Variants in KLHL24 observed in about 807,000 individuals in gnomAD.
The protein encoded by KLHL24 is kelch like family member 24, also known as kelch-like protein 24.
KLHL24 carries 29 observed loss-of-function variants against 53.4 expected under a neutral mutation model. The observed-to-expected ratio is 0.54, with a 90% CI of 0.40 to 0.74. KLHL24 has a LOEUF of 0.74. Ranked by LOEUF, KLHL24 falls within the 30% of genes least tolerant of loss-of-function variation. The pLI is 0.00. For synonymous variants in KLHL24, 222 were observed against 253.7 expected (o/e 0.88, Z 1.19); for missense variants, 504 against 744.0 (o/e 0.68, Z 3.75).
rs2108913737 is a variant in KLHL24 at position 183,681,735 on chromosome 3, T to C, written c.*2449T>C. 6.6e-6 allele frequency: 1 copy of C among 152,538 alleles called. No homozygotes were observed. Among genetic ancestry groups the C allele is most frequent in the East Asian group, 1.9e-4 (1 of 5,192 alleles). 9.4% of individuals were successfully genotyped at this position (152,538 alleles called of 1,614,324 possible). On this transcript the variant is annotated 3_prime_UTR_variant, in exon 8 of 8. Transcript: ENST00000242810. Reference sequence around the variant, plus strand: ...TCCTTTACTAATTCTTGATAAATAATAGCATTAGACTTGATAAAATAAAAA... The same window carrying C: ...TCCTTTACTAATTCTTGATAAATAACAGCATTAGACTTGATAAAATAAAAA...
chr3:183,668,933 G>A (rs547515297), intron 5 of KLHL24, among the ~76,000 whole-genome samples: 2 of 152,060 alleles, frequency 1.3e-5, no homozygotes, highest in South Asian at 2.1e-4. Context: ...AGTAGGAAGG[G>A]ATGATGGAAT....
At chr3:183,674,554 G>A (rs1181119229) in intron 7 of KLHL24, among the ~76,000 whole-genome samples, 1 of 151,994 alleles carries the variant, frequency 6.6e-6, no homozygotes, top group African/African-American at 2.4e-5. Flanking sequence ...TAGAAACGGG[G>A]TTTCACTATG....
intron 2 of KLHL24, among the ~76,000 whole-genome samples, chr3:183,644,483 T>A (rs1716946930): frequency 6.6e-6 from 1 of 152,226 alleles, no homozygotes; most frequent in Non-Finnish European, 1.5e-5. Context: ...TGGAAAGATC[T>A]ATGAGATAGT....
chr3:183,661,641 A>G (rs1338134403), intron 3 of KLHL24, among the ~76,000 whole-genome samples: 3 of 152,200 alleles, frequency 2.0e-5, no homozygotes, highest in Admixed American at 6.5e-5. Flanking sequence ...TGTTTTAGCA[A>G]TTAGCTTCTC....
At chr3:183,668,956 T>C (rs188936726) in intron 5 of KLHL24, among the ~76,000 whole-genome samples, 503 of 152,092 alleles carry the variant, frequency 3.3e-3, no homozygotes, top group Middle Eastern at 0.014. Flanking sequence ...TGGAGAATAT[T>C]TAATATAACT....
rs141889188 is a variant in KLHL24 at position 183,645,426 on chromosome 3, C to A, written c.-62+1884C>A. Among the ~76,000 whole-genome samples, 525 of 152,302 alleles carry A rather than the reference C, an allele frequency of 3.4e-3. 2 individuals carry two copies. Among genetic ancestry groups the A allele is most frequent in the African/African-American group, 0.012 (498 of 41,560 alleles). On this transcript the variant is annotated intron_variant, in intron 2 of 7. Transcript: ENST00000242810. Reference sequence around the variant, plus strand: ...CCTGGAATTTGGAAGTCATTCTATGCATTGTAAATGGAGTTGTAAATGTTA... The same window carrying A: ...CCTGGAATTTGGAAGTCATTCTATGAATTGTAAATGGAGTTGTAAATGTTA...
chr3:183,677,288 T>C (rs2108900251), intron 7 of KLHL24, among the ~76,000 whole-genome samples: 1 of 152,202 alleles, frequency 6.6e-6, no homozygotes, highest in East Asian at 1.9e-4. Context: ...AAAACTAAGG[T>C]TTTTGTTTGT....
Position 183,684,516 on chromosome 3 carries a change from A to C in KLHL24, c.*5230A>C, listed in dbSNP as rs1240215491. Reference sequence around the variant, plus strand: ...TGGTTGTATTAAATTTTGTTTACGAAAAATTTGTTGTTCTGTTTTATTTTA... The same window carrying C: ...TGGTTGTATTAAATTTTGTTTACGACAAATTTGTTGTTCTGTTTTATTTTA... On this transcript the variant is annotated 3_prime_UTR_variant, in exon 8 of 8. Coordinates refer to ENST00000242810, the MANE Select transcript of KLHL24 (RefSeq NM_017644.3). 1.3e-5 allele frequency: 2 copies of C among 152,590 alleles called. No homozygotes were observed. The highest frequency in any genetic ancestry group is 2.9e-5 in the Non-Finnish European group (2 of 68,032). The allele number at this position is 152,590 out of a possible 1,614,324, so 9.5% of individuals were successfully genotyped here. A position where few individuals can be genotyped will look rare whatever the true frequency, so the allele number is the denominator to read the frequency against.
chr3:183,645,765 G>A (rs1014775227), intron 2 of KLHL24, among the ~76,000 whole-genome samples: 1 of 152,154 alleles, frequency 6.6e-6, no homozygotes, highest in Admixed American at 6.5e-5. Context: ...TAAAAATCTA[G>A]CTTGTTTGGA....
intron 5 of KLHL24, among the ~76,000 whole-genome samples, chr3:183,667,273 G>A (rs575651116): frequency 4.6e-5 from 7 of 152,276 alleles, no homozygotes; most frequent in African/African-American, 1.2e-4. Flanking sequence ...CAAATTAGCC[G>A]GGCATGGTGG....
chr3:183,677,202 C>T (rs1180906370), intron 7 of KLHL24, among the ~76,000 whole-genome samples: 1 of 151,946 alleles, frequency 6.6e-6, no homozygotes, highest in Non-Finnish European at 1.5e-5. Context: ...AATTACCAGA[C>T]CATGTAATTA....
At position 183,682,924 on chromosome 3, in the gene KLHL24, CTG is replaced by C. The variant is rs1468146363; in HGVS notation, c.*3640_*3641del. The C allele has an allele frequency of 2.4e-5, 3 of 124,952 alleles. No homozygotes were observed. The highest frequency in any genetic ancestry group is 3.5e-5 in the African/African-American group (1 of 28,590). 7.7% of individuals were successfully genotyped at this position (124,952 alleles called of 1,614,324 possible). A position where few individuals can be genotyped will look rare whatever the true frequency, so the allele number is the denominator to read the frequency against. ...TGGAAAAGACGACATCTACTTCAAA[CTG>C]TATTTTTTTCGTTTTTTTTTTTTTT... On this transcript the variant is annotated 3_prime_UTR_variant, in exon 8 of 8. Transcript: ENST00000242810.
chr3:183,636,988 C>G (rs570586001), intron 1 of KLHL24, among the ~76,000 whole-genome samples: 1 of 152,270 alleles, frequency 6.6e-6, no homozygotes, highest in East Asian at 1.9e-4. Context: ...ACTAGTGTCG[C>G]GTTATCTGCC....
intron 2 of KLHL24, among the ~76,000 whole-genome samples, chr3:183,649,281 G>A (rs2108791991): frequency 6.6e-6 from 1 of 152,268 alleles, no homozygotes; most frequent in Non-Finnish European, 1.5e-5. Flanking sequence ...GTTGGCATAT[G>A]TTTTGTGATC....
intron 5 of KLHL24, among the ~76,000 whole-genome samples, chr3:183,665,357 G>A (rs1226138524): frequency 6.6e-6 from 1 of 152,108 alleles, no homozygotes; most frequent in Non-Finnish European, 1.5e-5. Context: ...TCTAACCCAC[G>A]CAGTTTGTTT....
chr3:183,658,275 G>T (rs999115772), intron 3 of KLHL24, among the ~76,000 whole-genome samples: 2 of 151,790 alleles, frequency 1.3e-5, no homozygotes, highest in African/African-American at 2.4e-5. Flanking sequence ...CTTTTATGCA[G>T]ATAGTAGGGT....
intron 3 of KLHL24, among the ~76,000 whole-genome samples, chr3:183,662,396 T>C (rs1719934465): frequency 7.3e-6 from 1 of 137,320 alleles, no homozygotes; most frequent in Non-Finnish European, 1.5e-5. Context: ...TGTGGGTTTT[T>C]TTTTCCCCTC....
At chr3:183,662,311 C>T (rs996560882) in intron 3 of KLHL24, among the ~76,000 whole-genome samples, 3 of 152,100 alleles carry the variant, frequency 2.0e-5, no homozygotes, top group Admixed American at 1.3e-4. Context: ...AAAAGAGACA[C>T]GCCAATATTG....
chr3:183,636,984 GTCGCGTTATCTGCCGGGTGGT>G (rs1222137266), intron 1 of KLHL24, among the ~76,000 whole-genome samples: 23 of 152,200 alleles, frequency 1.5e-4, no homozygotes, highest in Non-Finnish European at 2.2e-4. Context: ...TTTAACTAGT[GTCGCGTTATCTGCCGGGTGGT>G]TCGCAGGAAG....
Sources: gnomAD v4.1 joint callset for allele counts (sites outside exome capture counted in the v4.1 genomes callset) on GRCh38, gnomAD v4.1.1 for gene constraint, MANE v1.5 for transcripts, NCBI Gene and HGNC (gene_info 2026-07-23, HGNC 2026-07-21) for gene names.